CCDC3: variants seen among roughly 807,000 people sequenced by gnomAD.
CCDC3 encodes the protein coiled-coil domain containing 3.
A neutral mutation model predicts 21.4 loss-of-function variants in CCDC3; 24 were observed. The ratio of observed to expected loss-of-function variants is 1.12; its 90% CI spans 0.81 to 1.58. CCDC3 has a LOEUF of 1.58. Among genes scored for constraint, CCDC3 ranks in the 40% most tolerant of loss-of-function variants. CCDC3 has a pLI of 0.00. For missense variants in CCDC3, 425 were observed against 360.9 expected, an observed-to-expected ratio of 1.18 and a Z score of -1.44; for synonymous variants, 186 against 166.0, an observed-to-expected ratio of 1.12 and a Z score of -0.93.
At chr10:12,971,357 C>T (rs892874931) in intron 2 of CCDC3, among the ~76,000 whole-genome samples, 2 of 152,204 alleles carry the variant, frequency 1.3e-5, no homozygotes, top group African/African-American at 2.4e-5. Flanking sequence ...ACAGGTCCTG[C>T]AGATTGGCCA....
At chr10:13,016,173 T>C (rs1836056155) in intron 5 of CCDC3, among the ~76,000 whole-genome samples, 1 of 151,926 alleles carries the variant, frequency 6.6e-6, no homozygotes, top group Non-Finnish European at 1.5e-5. Flanking sequence ...AGTCAGATAC[T>C]TCTCCCAGTG....
At chr10:12,945,268 C>G (rs1834897526) in intron 2 of CCDC3, among the ~76,000 whole-genome samples, 1 of 152,034 alleles carries the variant, frequency 6.6e-6, no homozygotes, top group African/African-American at 2.4e-5. Context: ...ATACGGGAAA[C>G]AACTCTATAT....
At chr10:13,007,259 C>T (rs1312878080) in intron 5 of CCDC3, among the ~76,000 whole-genome samples, 1 of 152,130 alleles carries the variant, frequency 6.6e-6, no homozygotes, top group African/African-American at 2.4e-5. Flanking sequence ...GTATTCAGTT[C>T]AACCTTCCTA....
chr10:12,990,285 G>T (rs1345021948), intron 2 of CCDC3, among the ~76,000 whole-genome samples: 1 of 145,350 alleles, frequency 6.9e-6, no homozygotes, highest in African/African-American at 2.5e-5. Flanking sequence ...AAAAAAGAAT[G>T]TCTTCACTGA....
At chr10:12,972,715 G>A (rs1835361097) in intron 2 of CCDC3, among the ~76,000 whole-genome samples, 1 of 152,212 alleles carries the variant, frequency 6.6e-6, no homozygotes, top group East Asian at 1.9e-4. Context: ...TACTCAGGAG[G>A]CTGAGACATG....
intron 5 of CCDC3, among the ~76,000 whole-genome samples, chr10:13,019,951 G>T (rs984329260): frequency 2.0e-5 from 3 of 152,130 alleles, no homozygotes; most frequent in African/African-American, 4.8e-5. Context: ...AGCAGAGATT[G>T]CACCACTGCA....
Position 13,027,485 on chromosome 10 carries a change from GA to G in CCDC3, c.-2+22188del, listed in dbSNP as rs779578852. 2.6e-5 allele frequency among the ~76,000 whole-genome samples: 4 copies of G among 152,160 alleles called. No homozygotes were observed. The East Asian group carries it at 7.7e-4, about 29-fold the overall frequency. ...CTCATTGCACTAAGACACTGATTAA[GA>G]GGCTAATCATTAACTTATTAATAGC... On this transcript the variant is annotated intron_variant, in intron 5 of 6. Transcript: ENST00000378839.
chr10:13,027,582 A>G (rs1836239359), intron 5 of CCDC3, among the ~76,000 whole-genome samples: 2 of 152,190 alleles, frequency 1.3e-5, no homozygotes, highest in South Asian at 4.2e-4. Context: ...ACAGTGGCTC[A>G]TGCCTCTAAT....
intron 2 of CCDC3, among the ~76,000 whole-genome samples, chr10:12,942,837 C>T (rs1834853921): frequency 6.6e-6 from 1 of 152,202 alleles, no homozygotes; most frequent in African/African-American, 2.4e-5. Context: ...GAGAGCTTTT[C>T]TCTTTCTCTC....
At chr10:12,978,572 GA>G (rs1835451653) in intron 2 of CCDC3, among the ~76,000 whole-genome samples, 2 of 140,202 alleles carry the variant, frequency 1.4e-5, no homozygotes, top group African/African-American at 5.5e-5. Context: ...GAGAGAGAGA[GA>G]TAAGGCCAGA....
chr10:12,938,798 T>C (rs1302274957), intron 2 of CCDC3, among the ~76,000 whole-genome samples: 1 of 152,192 alleles, frequency 6.6e-6, no homozygotes, highest in Non-Finnish European at 1.5e-5. Context: ...TACTCCTGTC[T>C]TGTGCCTCCT....
intron 5 of CCDC3, among the ~76,000 whole-genome samples, chr10:13,016,188 C>T (rs7081935): frequency 0.012 from 1,785 of 152,010 alleles, 43 homozygotes; most frequent in African/African-American, 0.041. Flanking sequence ...CCAGTGGCAA[C>T]CGAGTTACCT....
chr10:12,979,986 A>G (rs868828079), intron 2 of CCDC3, among the ~76,000 whole-genome samples: 12 of 152,364 alleles, frequency 7.9e-5, no homozygotes, highest in Middle Eastern at 3.4e-3. Flanking sequence ...TCAAAAGAGC[A>G]TCACTAGGCT....
chr10:12,959,613 C>T (rs1246260612), intron 2 of CCDC3, among the ~76,000 whole-genome samples: 1 of 152,136 alleles, frequency 6.6e-6, no homozygotes, highest in African/African-American at 2.4e-5. Flanking sequence ...GGTGGGAAAC[C>T]ATAGTTACAG....
intron 2 of CCDC3, among the ~76,000 whole-genome samples, chr10:12,938,285 T>C (rs759602816): frequency 7.2e-5 from 11 of 152,210 alleles, no homozygotes; most frequent in South Asian, 2.1e-4. Context: ...GCTGGCTTTC[T>C]GATCACCAGT....
At chr10:13,054,914 G>A (rs143383930) in intron 4 of CCDC3, among the ~76,000 whole-genome samples, 3 of 152,262 alleles carry the variant, frequency 2.0e-5, no homozygotes, top group East Asian at 1.9e-4. Context: ...TGATTGACCC[G>A]CCTTGGCCTC....
intron 5 of CCDC3, among the ~76,000 whole-genome samples, chr10:13,037,311 A>G (rs1469447806): frequency 2.0e-5 from 3 of 152,212 alleles, no homozygotes; most frequent in Non-Finnish European, 4.4e-5. Context: ...TTTAAATTAA[A>G]TACTTCATTG....
intron 5 of CCDC3, among the ~76,000 whole-genome samples, chr10:13,028,287 A>G (rs965275757): frequency 6.6e-6 from 1 of 152,152 alleles, no homozygotes; most frequent in Non-Finnish European, 1.5e-5. Flanking sequence ...GCCTGCCACC[A>G]TGTAAGATGT....
chr10:13,041,757 G>T (rs11258153), intron 5 of CCDC3, among the ~76,000 whole-genome samples: 8,342 of 151,734 alleles, frequency 0.055, 353 homozygotes, highest in African/African-American at 0.11. Context: ...CAAAGTGCTG[G>T]GATTACAGGT....
Sources: gnomAD v4.1 joint callset for allele counts (sites outside exome capture counted in the v4.1 genomes callset) on GRCh38, gnomAD v4.1.1 for gene constraint, MANE v1.5 for transcripts, NCBI Gene and HGNC (gene_info 2026-07-23, HGNC 2026-07-21) for gene names.